Variants in TASP1 observed in about 807,000 individuals in gnomAD.
TASP1 encodes taspase 1.
TASP1 carries 16 observed loss-of-function variants against 56.6 expected under a neutral mutation model. That is an observed-to-expected ratio of 0.28 (90% CI 0.19 to 0.43). TASP1 has a LOEUF of 0.43. Among genes scored for constraint, TASP1 ranks in the 20% least tolerant of loss-of-function variants. The pLI is 1.00. For missense variants in TASP1, 393 were observed against 511.6 expected, an observed-to-expected ratio of 0.77 and a Z score of 2.24; for synonymous variants, 179 against 184.2, an observed-to-expected ratio of 0.97 and a Z score of 0.23.
At chr20:13,197,258 C>A in the TASP1 span, among the ~76,000 whole-genome samples, 1 of 152,166 alleles carries the variant, frequency 6.6e-6, no homozygotes, top group South Asian at 2.1e-4. Context: ...GAGTGACCAA[C>A]CCACCTAACA....
intron 8 of TASP1, among the ~76,000 whole-genome samples, chr20:13,549,901 A>G (rs1568570739): frequency 6.6e-6 from 1 of 152,156 alleles, no homozygotes; most frequent in African/African-American, 2.4e-5. Context: ...TCTGATGTCA[A>G]CTTATAACAA....
chr20:13,549,481 C>T (rs1438859078), intron 8 of TASP1, among the ~76,000 whole-genome samples: 2 of 151,612 alleles, frequency 1.3e-5, no homozygotes, highest in African/African-American at 2.4e-5. Flanking sequence ...TTTTAATGCA[C>T]TCATTTATTC....
chr20:13,356,267 A>G, the TASP1 span, among the ~76,000 whole-genome samples: 115 of 152,240 alleles, frequency 7.6e-4, no homozygotes, highest in Non-Finnish European at 1.5e-3. Flanking sequence ...CTGTTATCCC[A>G]GTCAGGTCTA....
At chr20:13,575,157 T>C (rs2046853474) in intron 6 of TASP1, among the ~76,000 whole-genome samples, 1 of 152,210 alleles carries the variant, frequency 6.6e-6, no homozygotes, top group Non-Finnish European at 1.5e-5. Context: ...CAAGTGCTGC[T>C]TTGTCAGTCA....
chr20:13,332,699 T>C, the TASP1 span, among the ~76,000 whole-genome samples: 1 of 152,196 alleles, frequency 6.6e-6, no homozygotes, highest in Non-Finnish European at 1.5e-5. Context: ...GAAAAGAAAA[T>C]ATAGATTATC....
chr20:13,265,676 T>C, the TASP1 span, among the ~76,000 whole-genome samples: 13,009 of 152,274 alleles, frequency 0.085, 661 homozygotes, highest in East Asian at 0.18. Context: ...ATTGTGATAG[T>C]ATTTGGTTGG....
the TASP1 span, among the ~76,000 whole-genome samples, chr20:13,337,163 G>A: frequency 2.6e-5 from 4 of 152,162 alleles, no homozygotes; most frequent in South Asian, 2.1e-4. Context: ...TTCCAGGAAC[G>A]AGGAGGATTT....
chr20:13,395,371 A>G (rs1391142161), intron 13 of TASP1, among the ~76,000 whole-genome samples: 1 of 152,224 alleles, frequency 6.6e-6, no homozygotes, highest in African/African-American at 2.4e-5. Flanking sequence ...GTGCTTTTGA[A>G]GAAACAGATA....
chr20:13,551,155 T>TA (rs373238175), intron 8 of TASP1, among the ~76,000 whole-genome samples: 52 of 152,248 alleles, frequency 3.4e-4, no homozygotes, highest in African/African-American at 1.2e-3. Flanking sequence ...AGCATCTCTT[T>TA]AGAGTGGTTT....
the TASP1 span, among the ~76,000 whole-genome samples, chr20:13,229,995 T>C: frequency 6.6e-6 from 1 of 152,242 alleles, no homozygotes; most frequent in Admixed American, 6.5e-5. Flanking sequence ...TTCTTAATTT[T>C]ATTTTCCTTT....
chr20:13,154,979 G>A, the TASP1 span, among the ~76,000 whole-genome samples: 5 of 152,032 alleles, frequency 3.3e-5, no homozygotes, highest in South Asian at 4.1e-4. Context: ...TCAGGAGTTC[G>A]AGACCAGCCT....
At chr20:13,381,725 TGC>T in the TASP1 span, among the ~76,000 whole-genome samples, 1 of 152,236 alleles carries the variant, frequency 6.6e-6, no homozygotes, top group Non-Finnish European at 1.5e-5. Context: ...AGGGCATCAG[TGC>T]TCTTTTCTTA....
the TASP1 span, among the ~76,000 whole-genome samples, chr20:13,321,106 T>C: frequency 6.6e-6 from 1 of 151,712 alleles, no homozygotes; most frequent in East Asian, 1.9e-4. Flanking sequence ...GGCTGAGGCA[T>C]GAGAATCGTT....
chr20:13,576,324 AAAG>A (rs1235107861), intron 6 of TASP1, among the ~76,000 whole-genome samples: 7 of 141,976 alleles, frequency 4.9e-5, no homozygotes, highest in East Asian at 4.1e-4. Flanking sequence ...GAAAGAAAGA[AAAG>A]AGAAAGAAAG....
intron 5 of TASP1, among the ~76,000 whole-genome samples, chr20:13,584,399 G>C (rs1376585281): frequency 6.6e-6 from 1 of 152,122 alleles, no homozygotes; most frequent in East Asian, 1.9e-4. Flanking sequence ...TTTATAAACA[G>C]GGTTAAAACG....
chr20:13,274,332 C>A, the TASP1 span, among the ~76,000 whole-genome samples: 2 of 152,162 alleles, frequency 1.3e-5, no homozygotes, highest in Non-Finnish European at 2.9e-5. Flanking sequence ...TGGTCCCTGA[C>A]GGTCCCTGCC....
the TASP1 span, among the ~76,000 whole-genome samples, chr20:13,227,449 C>T: frequency 5.9e-3 from 898 of 151,262 alleles, 9 homozygotes; most frequent in African/African-American, 0.02. Context: ...ATGATCTGCC[C>T]GCCTCGACCT....
chr20:13,242,999 A>G, the TASP1 span, among the ~76,000 whole-genome samples: 1 of 152,192 alleles, frequency 6.6e-6, no homozygotes, highest in African/African-American at 2.4e-5. Flanking sequence ...CATTTTACAC[A>G]ATAAGGTTAA....
chr20:13,466,407 G>A (rs1435874907), intron 11 of TASP1, among the ~76,000 whole-genome samples: 1 of 152,066 alleles, frequency 6.6e-6, no homozygotes, highest in East Asian at 1.9e-4. Flanking sequence ...CTTCAGTTTT[G>A]ATCACCTTAC....
Sources: allele counts gnomAD v4.1 joint callset (sites outside exome capture counted in the v4.1 genomes callset), GRCh38; gene constraint gnomAD v4.1.1; transcripts MANE v1.5; gene names NCBI Gene and HGNC (gene_info 2026-07-23, HGNC 2026-07-21).